ASB6: variants seen among roughly 807,000 people sequenced by gnomAD.
The protein encoded by ASB6 is ankyrin repeat and SOCS box protein 6.
Under a neutral mutation model 28.6 loss-of-function variants are expected in ASB6, and 24 were observed. The observed-to-expected ratio is 0.84, with a 90% confidence interval of 0.61 to 1.18. ASB6 has a LOEUF of 1.18. Ranked by LOEUF, ASB6 falls within the 50% of genes most tolerant of loss-of-function variation. The pLI is 0.00. For missense variants in ASB6, 519 were observed against 559.8 expected, an observed-to-expected ratio of 0.93 and a Z score of 0.74; for synonymous variants, 267 against 243.4, an observed-to-expected ratio of 1.10 and a Z score of -0.90.
rs374558502 is a variant in ASB6 at position 129,637,870 on chromosome 9, C to T, written c.1186G>A (p.Val396Ile). The T allele has an allele frequency of 6.5e-7, 1 of 1,549,096 alleles. No individual in the cohort carries two copies. The highest frequency in any genetic ancestry group is 1.4e-5 in the African/African-American group (1 of 72,982). Residue 396 changes from valine (V) to isoleucine (I), a missense_variant, in exon 6 of 6, where the codon GTC becomes ATC. Val to Ile is a conservative substitution (Grantham distance 29). Coordinates refer to ENST00000277458, the MANE Select transcript of ASB6 (RefSeq NM_017873.4). ...YLQPWPVDVK[V>I]KALPLPDRLK... ...CTGTCGGGCAGAGGCAGGGCTTTGA[C>T]CTTCACATCCACAGGCCACGGCTGA...
Position 129,641,969 on chromosome 9 carries a change from T to C in ASB6, c.31A>G (p.Ile11Val), listed in dbSNP as rs765707623. The change falls in exon 1 of 6, where the codon ATC becomes GTC. Residue 11 changes from isoleucine to valine, a missense_variant. Physicochemically the swap from Ile to Val is conservative, Grantham distance 29. Transcript: ENST00000277458. MPFLHGFRRI[I>V]FEYQPLVDAI... ...TCCACCAGCGGCTGGTACTCGAAGA[T>C]GATCCTCCGGAAGCCGTGCAGGAAC... is the stretch of plus-strand genomic sequence containing the variant. 5 of 1,604,028 alleles carry C rather than the reference T, an allele frequency of 3.1e-6. No individual in the cohort carries two copies. Among genetic ancestry groups the C allele is most frequent in the East Asian group, 2.3e-5 (1 of 43,782 alleles).
rs1224609417 is a variant in ASB6, at chr9:129,638,681, G to T, written c.512-22C>A. The T allele has an allele frequency of 1.9e-6, 3 of 1,597,964 alleles. No individual in the cohort carries two copies. In the African/African-American group the frequency reaches 4.0e-5, roughly 22 times the overall value. On this transcript the variant is annotated intron_variant, in intron 4 of 5. Coordinates refer to ENST00000277458, the MANE Select transcript of ASB6 (RefSeq NM_017873.4). ...TTTCCTAGGGAGGGAGGGAGAGCAA[G>T]GAGGAGCAGGAGGCCAGGAAGCCCA...
intron 1 of ASB6, among the ~76,000 whole-genome samples, chr9:129,641,526 A>G (rs1488796104): frequency 6.6e-6 from 1 of 152,216 alleles, no homozygotes; most frequent in Non-Finnish European, 1.5e-5. Flanking sequence ...TCTGCTACAA[A>G]AGCCCACCTT....
chr9:129,639,523 A>C lies in ASB6; in HGVS notation c.296-15T>G. ...GGTGACTGGGTCTGAAGGTGCAGACACAGCTCATGTGGGTCCTATCTGTCC... is the reference window on the plus strand; with the variant it reads ...GGTGACTGGGTCTGAAGGTGCAGACCCAGCTCATGTGGGTCCTATCTGTCC... On this transcript the variant is annotated splice_polypyrimidine_tract_variant and intron_variant, in intron 2 of 5. Coordinates refer to ENST00000277458, the MANE Select transcript of ASB6 (RefSeq NM_017873.4). 1 of 1,605,604 alleles carries C rather than the reference A, an allele frequency of 6.2e-7. No homozygotes were observed. Among genetic ancestry groups the C allele is most frequent in the Admixed American group, 1.7e-5 (1 of 59,664 alleles).
At position 129,637,850 on chromosome 9, in the gene ASB6, G is replaced by A. The variant is rs145897651; in HGVS notation, c.1206C>T (p.Pro402=). The A allele has an allele frequency of 1.7e-4, 261 of 1,528,558 alleles. 1 individual carries two copies. The African/African-American group carries it at 2.9e-3, about 17-fold the overall frequency. 94.7% of individuals were successfully genotyped at this position (1,528,558 alleles called of 1,614,324 possible). A position where few individuals can be genotyped will look rare whatever the true frequency, so the allele number is the denominator to read the frequency against. The change falls in exon 6 of 6, where the codon CCC becomes CCT. Residue 402 remains proline, a synonymous_variant. Transcript: ENST00000277458. Reference sequence around the variant, plus strand: ...TAAGGAGGTACCACTTCAGCCTGTCGGGCAGAGGCAGGGCTTTGACCTTCA... The same window carrying A: ...TAAGGAGGTACCACTTCAGCCTGTCAGGCAGAGGCAGGGCTTTGACCTTCA... ...VDVKVKALPL[P]DRLKWYLLSE...
Position 129,635,647 on chromosome 9 carries a change from G to T in ASB6, c.*2143C>A. 2 of 749,130 alleles carry T rather than the reference G, an allele frequency of 2.7e-6. No individual in the cohort carries two copies. Among genetic ancestry groups the T allele is most frequent in the Non-Finnish European group, 4.3e-6 (2 of 460,642 alleles). 46.4% of individuals were successfully genotyped at this position (749,130 alleles called of 1,614,324 possible). On this transcript the variant is annotated 3_prime_UTR_variant, in exon 6 of 6. Transcript: ENST00000277458. ...GGCAAGGTGGGACCCGGCGGGGAGG[G>T]TGCTGCTGAACCAGCGGTGAGGCAG... is the stretch of plus-strand genomic sequence containing the variant.
chr9:129,639,760 G>A (rs188167260), intron 2 of ASB6, among the ~76,000 whole-genome samples: 33 of 152,334 alleles, frequency 2.2e-4, no homozygotes, highest in Non-Finnish European at 3.8e-4. Context: ...ACCATAAAAC[G>A]GGGCGCACCC....
At position 129,635,578 on chromosome 9, in the gene ASB6, A is replaced by G. The variant is rs1012436994; in HGVS notation, c.*2212T>C. 5.6e-5 allele frequency: 70 copies of G among 1,255,460 alleles called. No homozygotes were observed. The highest frequency in any genetic ancestry group is 7.4e-5 in the Non-Finnish European group (67 of 904,918). The allele number at this position is 1,255,460 out of a possible 1,614,324, so 77.8% of individuals were successfully genotyped here. The stretch of plus-strand genomic sequence containing the variant: ...CGTGAGTGTCGAGGCACCACTAAAT[A>G]TAGCTGTCTGCCGTCCACTCATTAT... On this transcript the variant is annotated 3_prime_UTR_variant, in exon 6 of 6. Transcript: ENST00000277458.
rs1831720634 is a variant in ASB6, at chr9:129,642,119, G to T, written c.-120C>A. 2 of 1,343,256 alleles carry T rather than the reference G, an allele frequency of 1.5e-6. No individual in the cohort carries two copies. The highest frequency in any genetic ancestry group is 1.9e-6 in the Non-Finnish European group (2 of 1,048,302). The allele number at this position is 1,343,256 out of a possible 1,614,324, so 83.2% of individuals were successfully genotyped here. A position where few individuals can be genotyped will look rare whatever the true frequency, so the allele number is the denominator to read the frequency against. On this transcript the variant is annotated 5_prime_UTR_variant, in exon 1 of 6. Coordinates refer to ENST00000277458, the MANE Select transcript of ASB6 (RefSeq NM_017873.4). The surrounding 1 kb of genome is among the most constrained non-coding windows in gnomAD (Gnocchi z 4.3). The stretch of plus-strand genomic sequence containing the variant: ...CCTGCTCCGCCAGTCCAGCCCCTGC[G>T]CCCGGCCGGGTCCGCTCCTCAGTCC...
Position 129,635,505 on chromosome 9 carries a change from TGGG to T in ASB6, c.*2282_*2284del, listed in dbSNP as rs775408144. 2 of 1,576,924 alleles carry T rather than the reference TGGG, an allele frequency of 1.3e-6. No individual in the cohort carries two copies. Among genetic ancestry groups the T allele is most frequent in the Non-Finnish European group, 1.7e-6 (2 of 1,160,126 alleles). On this transcript the variant is annotated 3_prime_UTR_variant, in exon 6 of 6. Coordinates refer to ENST00000277458, the MANE Select transcript of ASB6 (RefSeq NM_017873.4). The stretch of plus-strand genomic sequence containing the variant: ...AGAAACTGAGGAACCACAGTCCTGG[TGGG>T]GGGAGCTGGCAGCTGGGCAAGATCC...
In ASB6 at chr9:129,638,445, T is replaced by G; in HGVS notation, c.611A>C (p.Lys204Thr). 1.2e-6 allele frequency: 2 copies of G among 1,609,934 alleles called. No homozygotes were observed. The highest frequency in any genetic ancestry group is 1.7e-6 in the Non-Finnish European group (2 of 1,177,014). Residue 204 changes from lysine (K) to threonine (T), a missense_variant, in exon 6 of 6, where the codon AAG becomes ACG. Transcript: ENST00000277458. ...RLLLEGGADV[K>T]ATTKDGDTVF... is the part of the protein sequence containing the mutation. ...TGTGTCCCCATCTTTGGTGGTGGCC[T>G]TGACGTCTGCCCCTAGAAGAGCCAT...
At position 129,638,640 on chromosome 9, in the gene ASB6, A is replaced by G. The variant is rs765192770; in HGVS notation, c.531T>C (p.His177=). ...ADKHGKTALL[H]ALASSDGVQI... ...GCACCCCGTCGCTGCTGGCCAGAGC[A>G]TGGAGCAGAGCAGTTTTTCCTAGGG... Residue 177 remains histidine, a synonymous_variant, in exon 5 of 6, where the codon CAT becomes CAC. Coordinates refer to ENST00000277458, the MANE Select transcript of ASB6 (RefSeq NM_017873.4). 1.2e-6 allele frequency: 2 copies of G among 1,613,458 alleles called. No homozygotes were observed. The highest frequency in any genetic ancestry group is 8.5e-7 in the Non-Finnish European group (1 of 1,179,734).
chr9:129,640,617 C>T lies in ASB6; in HGVS notation c.219G>A (p.Leu73=), dbSNP rs960936190. The part of the protein sequence containing the change: ...PFYQEGVSNA[L]LKMAELGLTR... ...TCAGCCCCAGCTCAGCCATCTTGAG[C>T]AGGGCGTTGCTCACGCCTTCCTGGT... The change falls in exon 2 of 6, where the codon CTG becomes CTA. Residue 73 remains leucine, a synonymous_variant. Transcript: ENST00000277458. 3 of 1,613,854 alleles carry T rather than the reference C, an allele frequency of 1.9e-6. No homozygotes were observed. The African/African-American group carries it at 4.0e-5, about 22-fold the overall frequency.
At chr9:129,641,278 C>T (rs1831691352) in intron 1 of ASB6, 1 of 155,630 alleles carries the variant, frequency 6.4e-6, no homozygotes, top group Admixed American at 6.5e-5. Context: ...CTGACAACCC[C>T]CTCAACACCT....
At chr9:129,639,664 C>T (rs929478212) in intron 2 of ASB6, among the ~76,000 whole-genome samples, 156 bp from the exon 3 acceptor site, 3 of 152,248 alleles carry the variant, frequency 2.0e-5, no homozygotes, top group African/African-American at 7.2e-5. Context: ...GCTGTCCTCA[C>T]CAGATACTAG....
rs1588147242 is a variant in ASB6 at position 129,635,711 on chromosome 9, G to A, written c.*2079C>T. 1 of 482,954 alleles carries A rather than the reference G, an allele frequency of 2.1e-6. No homozygotes were observed. The highest frequency in any genetic ancestry group is 3.7e-6 in the Non-Finnish European group (1 of 271,014). The allele number at this position is 482,954 out of a possible 1,614,324, so 29.9% of individuals were successfully genotyped here. A position where few individuals can be genotyped will look rare whatever the true frequency, so the allele number is the denominator to read the frequency against. ...GCTCTCCTGCGAGATGGGATTGGGTGGAAGGGGCTCCAGGGCTCCTGGTGC... is the reference window on the plus strand; with the variant it reads ...GCTCTCCTGCGAGATGGGATTGGGTAGAAGGGGCTCCAGGGCTCCTGGTGC... On this transcript the variant is annotated 3_prime_UTR_variant, in exon 6 of 6. Transcript: ENST00000277458.
At position 129,637,553 on chromosome 9, in the gene ASB6, A is replaced by T; in HGVS notation, c.*237T>A. 2.6e-6 allele frequency: 1 copy of T among 392,128 alleles called. No homozygotes were observed. The highest frequency in any genetic ancestry group is 4.5e-6 in the Non-Finnish European group (1 of 221,348). The allele number at this position is 392,128 out of a possible 1,614,324, so 24.3% of individuals were successfully genotyped here. A position where few individuals can be genotyped will look rare whatever the true frequency, so the allele number is the denominator to read the frequency against. ...TCCAAGCCCTGTTCCTCTTTCCAACATGGGGGGGACTTGGAGTGCCGCTGG... is the reference window on the plus strand; with the variant it reads ...TCCAAGCCCTGTTCCTCTTTCCAACTTGGGGGGGACTTGGAGTGCCGCTGG... On this transcript the variant is annotated 3_prime_UTR_variant, in exon 6 of 6. Coordinates refer to ENST00000277458, the MANE Select transcript of ASB6 (RefSeq NM_017873.4).
At chr9:129,638,799 C>G (rs1013931094) in intron 4 of ASB6, 140 bp from the exon 5 acceptor site, 1 of 710,208 alleles carries the variant, frequency 1.4e-6, no homozygotes, top group Non-Finnish European at 2.4e-6. Flanking sequence ...CAGGTGAGGG[C>G]TGAGGGTGAC....
chr9:129,639,115 C>T (rs1371559762), intron 4 of ASB6, 87 bp downstream of exon 4: 7 of 1,326,070 alleles, frequency 5.3e-6, no homozygotes, highest in Non-Finnish European at 7.3e-6. Flanking sequence ...AGTCTGCCCA[C>T]CTAGCTGTTG....
Sources: gnomAD v4.1 joint callset for allele counts (sites outside exome capture counted in the v4.1 genomes callset) on GRCh38, gnomAD v4.1.1 for gene constraint, Gnocchi (gnomAD v3.1) non-coding constraint, MANE v1.5 for transcripts, NCBI Gene and HGNC (gene_info 2026-07-23, HGNC 2026-07-21) for gene names.